ZNF592: variants seen among roughly 807,000 people sequenced by gnomAD.
ZNF592 encodes zinc finger protein 592.
In ZNF592, 11 loss-of-function variants were observed where a neutral mutation model predicts 80.3. That is an observed-to-expected ratio of 0.14 (90% CI 0.09 to 0.23). The LOEUF (loss-of-function observed/expected upper bound fraction) is 0.23. Ranked by LOEUF, ZNF592 falls within the 10% of genes least tolerant of loss-of-function variation. The pLI, the probability that ZNF592 is intolerant of heterozygous loss-of-function variation, is 1.00. For missense variants in ZNF592, 1,420 were observed against 1,633.9 expected (o/e 0.87, Z 2.26); for synonymous variants, 646 against 640.3 (o/e 1.01, Z -0.13).
intron 5 of ZNF592, among the ~76,000 whole-genome samples, 161 bp from the exon 6 acceptor site, chr15:84,797,708 C>T (rs1277557679): frequency 6.6e-6 from 1 of 152,208 alleles, no homozygotes; most frequent in Non-Finnish European, 1.5e-5. Flanking sequence ...AGCAGACCCT[C>T]AGGACGTACT....
At position 84,784,843 on chromosome 15, in the gene ZNF592, A is replaced by C; in HGVS notation, c.2168A>C (p.Tyr723Ser). The C allele has an allele frequency of 6.2e-7, 1 of 1,614,136 alleles. No individual in the cohort carries two copies. Among genetic ancestry groups the C allele is most frequent in the Non-Finnish European group, 8.5e-7 (1 of 1,180,030 alleles). Residue 723 changes from tyrosine (Y) to serine (S), a missense_variant, in exon 4 of 11, where the codon TAC (tyrosine) becomes TCC (serine). By Grantham distance (144) the Tyr-to-Ser change is moderately radical (BLOSUM62 -2). This residue lies in a region of ZNF592 where 524 missense variants were observed against 628.3 expected (regional missense o/e 0.83). Transcript: ENST00000560079. The surrounding 1 kb of genome is among the most constrained non-coding windows in gnomAD (Gnocchi z 5.8). ...CLECHKQMRD[Y>S]MVLAAHFQRT... Reference sequence around the variant, plus strand: ...GAATGTCACAAGCAGATGCGGGACTACATGGTCCTGGCTGCACATTTCCAG... The same window carrying C: ...GAATGTCACAAGCAGATGCGGGACTCCATGGTCCTGGCTGCACATTTCCAG...
intron 10 of ZNF592, among the ~76,000 whole-genome samples, chr15:84,800,999 C>T (rs565846384): frequency 8.5e-5 from 13 of 152,230 alleles, no homozygotes; most frequent in African/African-American, 2.9e-4. Flanking sequence ...AAAACAAAAA[C>T]AAAAACAAGA....
At position 84,784,423 on chromosome 15, in the gene ZNF592, C is replaced by T. The variant is rs1316445851; in HGVS notation, c.1748C>T (p.Pro583Leu). 3.1e-6 allele frequency: 5 copies of T among 1,614,082 alleles called. No individual in the cohort carries two copies. The highest frequency in any genetic ancestry group is 2.2e-5 in the East Asian group (1 of 44,894). The change falls in exon 4 of 11, where the codon CCG (proline) becomes CTG (leucine). Residue 583 changes from proline to leucine, a missense_variant. By Grantham distance (98) the Pro-to-Leu change is moderately conservative. Transcript: ENST00000560079. This position sits in a 1 kb window ranked among gnomAD's most constrained non-coding sequence, Gnocchi z 5.8. The stretch of plus-strand genomic sequence containing the variant: ...CCTGCGGACAGCAGGATCCACGTGC[C>T]GGCCAGTGGGTACTGCTGCCTGGAG... ...SPPADSRIHVPASGYCCLECG... is the reference protein window; with the variant it reads ...SPPADSRIHVLASGYCCLECG...
At chr15:84,773,235 G>A (rs187148331) in intron 2 of ZNF592, among the ~76,000 whole-genome samples, 1 of 132,096 alleles carries the variant, frequency 7.6e-6, no homozygotes, top group Non-Finnish European at 1.6e-5. Context: ...TTTTTGAGAC[G>A]GAGTCTCGCT....
intron 2 of ZNF592, among the ~76,000 whole-genome samples, chr15:84,768,754 T>G (rs1404057715): frequency 6.6e-6 from 1 of 152,140 alleles, no homozygotes; most frequent in African/African-American, 2.4e-5. Context: ...AAGGGTACTT[T>G]AGGTAGACCC....
chr15:84,768,230 C>CTTTTTT (rs995969490), intron 2 of ZNF592, among the ~76,000 whole-genome samples: 19 of 122,336 alleles, frequency 1.6e-4, no homozygotes, highest in Middle Eastern at 4.2e-3. Flanking sequence ...TTCTTTCTTT[C>CTTTTTT]TTTTTTTTTT....
At chr15:84,771,233 C>T (rs1899692932) in intron 2 of ZNF592, among the ~76,000 whole-genome samples, 5 of 152,074 alleles carry the variant, frequency 3.3e-5, no homozygotes, top group Admixed American at 3.3e-4. Flanking sequence ...AGAAGTGCTG[C>T]CATAGAGGAA....
Position 84,799,296 on chromosome 15 carries a change from A to G in ZNF592, c.3137+86A>G. The G allele has an allele frequency of 7.6e-7, 1 of 1,321,366 alleles. No individual in the cohort carries two copies. Among genetic ancestry groups the G allele is most frequent in the Non-Finnish European group, 1.1e-6 (1 of 914,672 alleles). 81.9% of individuals were successfully genotyped at this position (1,321,366 alleles called of 1,614,324 possible). A position where few individuals can be genotyped will look rare whatever the true frequency, so the allele number is the denominator to read the frequency against. On this transcript the variant is annotated intron_variant, in intron 9 of 10. Transcript: ENST00000560079. This position sits in a 1 kb window ranked among gnomAD's most constrained non-coding sequence, Gnocchi z 4.2. Reference sequence around the variant, plus strand: ...CACTGGGGCTTTTCTGTGCTGCAAGATCAGGTGTCTAAGACAAGAGACAAG... The same window carrying G: ...CACTGGGGCTTTTCTGTGCTGCAAGGTCAGGTGTCTAAGACAAGAGACAAG...
At chr15:84,758,195 G>C (rs952333297) in intron 1 of ZNF592, among the ~76,000 whole-genome samples, 1 of 150,182 alleles carries the variant, frequency 6.7e-6, no homozygotes, top group East Asian at 2.0e-4. Context: ...GGCTGGTCTC[G>C]AACTTCTGAC....
At chr15:84,764,642 T>G (rs1899447615) in intron 1 of ZNF592, 65 bp from the exon 2 acceptor site, 1 of 397,580 alleles carries the variant, frequency 2.5e-6, no homozygotes, top group East Asian at 3.6e-5. Context: ...TAAACTATCT[T>G]TCCTTACTCT....
rs1036965757 is a variant in ZNF592 at position 84,752,490 on chromosome 15, GC to G, written c.-259+3827del. ...TGGAGGAAGAGTAGGAGTTTTACAG[GC>G]AAATAAGATTGAGCAAAGAACATTC... On this transcript the variant is annotated intron_variant, in intron 1 of 10. Transcript: ENST00000560079. 4.6e-5 allele frequency among the ~76,000 whole-genome samples: 7 copies of G among 152,190 alleles called. 1 individual carries two copies. The highest frequency in any genetic ancestry group is 7.3e-5 in the Non-Finnish European group (5 of 68,038).
Position 84,799,949 on chromosome 15 carries a change from T to A in ZNF592, c.3245T>A (p.Val1082Glu). The A allele has an allele frequency of 6.2e-7, 1 of 1,614,130 alleles. No individual in the cohort carries two copies. Among genetic ancestry groups the A allele is most frequent in the Non-Finnish European group, 8.5e-7 (1 of 1,180,006 alleles). The change falls in exon 10 of 11, where the codon GTG becomes GAG. Residue 1082 changes from valine to glutamate, a missense_variant. Val to Glu is a moderately radical substitution (Grantham distance 121). Transcript: ENST00000560079. This position sits in a 1 kb window ranked among gnomAD's most constrained non-coding sequence, Gnocchi z 4.2. ...RNPDLSQTSK[V>E]KPPGGHSPQV... The stretch of plus-strand genomic sequence containing the variant: ...CCTGATTTGAGCCAGACGTCCAAAG[T>A]GAAACCTCCGGGTGGACATTCCCCT...
chr15:84,759,965 CCA>C (rs61292759), intron 1 of ZNF592, among the ~76,000 whole-genome samples: 3,076 of 31,602 alleles, frequency 0.097, 229 homozygotes, highest in East Asian at 0.26. Context: ...CCCCCCCCCC[CCA>C]CCCTGCCATT....
At chr15:84,755,201 A>G (rs138565163) in intron 1 of ZNF592, among the ~76,000 whole-genome samples, 1,724 of 150,790 alleles carry the variant, frequency 0.011, 18 homozygotes, top group South Asian at 0.044. Context: ...GTTAACTTCA[A>G]GTGATCCTCC....
intron 5 of ZNF592, among the ~76,000 whole-genome samples, chr15:84,794,470 T>C (rs1161304645): frequency 1.3e-5 from 2 of 152,072 alleles, no homozygotes; most frequent in African/African-American, 2.4e-5. Context: ...CATGTGCTTA[T>C]TGGACTCCAA....
rs757823124 is a variant in ZNF592, at chr15:84,784,257, C to T, written c.1582C>T (p.Arg528Trp). 10 of 1,614,126 alleles carry T rather than the reference C, an allele frequency of 6.2e-6. No homozygotes were observed. Among genetic ancestry groups the T allele is most frequent in the Non-Finnish European group, 6.8e-6 (8 of 1,180,054 alleles). ...GACAGCCAAGTCTTCAGTGCAAAGA[C>T]GGAGCCAGCCACAGCTTACACAAAT... Reference protein sequence around the residue: ...SVTAKSSVQRRSQPQLTQMSV... With the variant: ...SVTAKSSVQRWSQPQLTQMSV... The change falls in exon 4 of 11, where the codon CGG becomes TGG. Residue 528 changes from arginine (R) to tryptophan (W), a missense_variant. Around this residue, in one of 7 missense-constraint regions of ZNF592, gnomAD observed 524 missense variants for 628.3 expected, o/e 0.83. Transcript: ENST00000560079. This position sits in a 1 kb window ranked among gnomAD's most constrained non-coding sequence, Gnocchi z 5.8.
At chr15:84,790,111 G>A (rs778926998) in intron 4 of ZNF592, among the ~76,000 whole-genome samples, 106 of 7,202 alleles carry the variant, frequency 0.015, no homozygotes, top group Non-Finnish European at 0.023. Flanking sequence ...CCCCACCCCC[G>A]CAACTCTCCT....
intron 2 of ZNF592, among the ~76,000 whole-genome samples, chr15:84,768,957 T>C (rs1426687308): frequency 6.6e-6 from 1 of 152,230 alleles, no homozygotes; most frequent in Non-Finnish European, 1.5e-5. Context: ...TTATTTTTTT[T>C]TGAGACATGG....
At chr15:84,773,112 A>T (rs909888135) in intron 2 of ZNF592, among the ~76,000 whole-genome samples, 3 of 151,794 alleles carry the variant, frequency 2.0e-5, no homozygotes, top group Admixed American at 6.6e-5. Flanking sequence ...ACATTTATAT[A>T]TTTTTTTAAA....
Sources: gnomAD v4.1 joint callset for allele counts (sites outside exome capture counted in the v4.1 genomes callset) on GRCh38, gnomAD v4.1.1 for gene constraint, gnomAD v4.1.1 regional missense constraint, Gnocchi (gnomAD v3.1) non-coding constraint, MANE v1.5 for transcripts, NCBI Gene and HGNC (gene_info 2026-07-23, HGNC 2026-07-21) for gene names.